CNTNAP4: variants seen among roughly 807,000 people sequenced by gnomAD.
The protein encoded by CNTNAP4 is contactin-associated protein-like 4.
CNTNAP4 carries 98 observed loss-of-function variants against 148.4 expected under a neutral mutation model. The observed-to-expected ratio is 0.66, with a 90% CI of 0.56 to 0.78. The LOEUF (loss-of-function observed/expected upper bound fraction) is 0.78, where lower values mean the gene tolerates loss of function less well. CNTNAP4 is among the 30% of genes least tolerant of loss of function. The probability of loss-of-function intolerance (pLI) is 0.00; values close to 1 mark genes in which losing one functional copy is unlikely to be tolerated. For missense variants in CNTNAP4, 1,935 were observed against 1,565.6 expected (o/e 1.24, Z -3.98); for synonymous variants, 730 against 565.1 (o/e 1.29, Z -4.14).
chr16:76,355,039 A>G (rs1394016856), intron 2 of CNTNAP4, among the ~76,000 whole-genome samples: 1 of 152,172 alleles, frequency 6.6e-6, no homozygotes. Context: ...AGGAATGTTC[A>G]CCTATCATAT....
intron 3 of CNTNAP4, among the ~76,000 whole-genome samples, chr16:76,383,288 A>G (rs749762199): frequency 1.3e-5 from 2 of 152,020 alleles, no homozygotes; most frequent in Admixed American, 6.6e-5. Context: ...GATGGCTCAC[A>G]TTGAAACAGA....
At chr16:76,336,540 G>A (rs928841664) in intron 2 of CNTNAP4, among the ~76,000 whole-genome samples, 1 of 152,160 alleles carries the variant, frequency 6.6e-6, no homozygotes, top group East Asian at 1.9e-4. Context: ...AAAAGATTTA[G>A]GCTTTATTTT....
At chr16:76,527,601 T>G (rs1268988872) in intron 17 of CNTNAP4, among the ~76,000 whole-genome samples, 1 of 152,214 alleles carries the variant, frequency 6.6e-6, no homozygotes, top group Non-Finnish European at 1.5e-5. Flanking sequence ...TTTATTCTTC[T>G]AATAAGAATG....
chr16:76,354,968 G>T (rs182987205), intron 2 of CNTNAP4, among the ~76,000 whole-genome samples: 1 of 152,252 alleles, frequency 6.6e-6, no homozygotes, highest in East Asian at 1.9e-4. Context: ...TGGGCAAAGG[G>T]GTAGCAGAGC....
At chr16:76,297,976 A>G (rs1272246034) in intron 1 of CNTNAP4, among the ~76,000 whole-genome samples, 1 of 152,090 alleles carries the variant, frequency 6.6e-6, no homozygotes, top group African/African-American at 2.4e-5. Context: ...ACCCGTAATC[A>G]GAAACCTGAA....
intron 3 of CNTNAP4, among the ~76,000 whole-genome samples, chr16:76,416,024 C>G (rs2078967932): frequency 6.7e-6 from 1 of 150,310 alleles, no homozygotes; most frequent in African/African-American, 2.4e-5. Flanking sequence ...TTATTTTTCC[C>G]CCTAATGTCT....
intron 1 of CNTNAP4, among the ~76,000 whole-genome samples, chr16:76,288,043 G>T (rs1408888566): frequency 6.6e-6 from 1 of 151,932 alleles, no homozygotes; most frequent in African/African-American, 2.4e-5. Context: ...ATCTCACCTT[G>T]AATTGTAATA....
intron 16 of CNTNAP4, 129 bp downstream of exon 16, chr16:76,521,439 T>A: frequency 1.5e-6 from 1 of 665,334 alleles, no homozygotes; most frequent in Non-Finnish European, 2.4e-6. Context: ...TTTGAAAAAC[T>A]CAATAATATT....
chr16:76,555,608 T>C (rs2085165271), intron 23 of CNTNAP4, among the ~76,000 whole-genome samples: 1 of 152,214 alleles, frequency 6.6e-6, no homozygotes, highest in South Asian at 2.1e-4. Flanking sequence ...TATATAGTCA[T>C]CAAGCCAATG....
chr16:76,541,114 A>C (rs1205667057), intron 21 of CNTNAP4, among the ~76,000 whole-genome samples: 8 of 152,230 alleles, frequency 5.3e-5, no homozygotes, highest in Non-Finnish European at 7.3e-5. Flanking sequence ...AGTATGTATT[A>C]ATTAGGTGCC....
intron 3 of CNTNAP4, among the ~76,000 whole-genome samples, chr16:76,386,428 C>G (rs2016520280): frequency 6.6e-6 from 1 of 151,872 alleles, no homozygotes; most frequent in African/African-American, 2.4e-5. Context: ...GTTAATAAGA[C>G]CAAAATTTAA....
At chr16:76,519,613 A>T (rs2083383453) in intron 15 of CNTNAP4, among the ~76,000 whole-genome samples, 1 of 152,206 alleles carries the variant, frequency 6.6e-6, no homozygotes, top group Non-Finnish European at 1.5e-5. Flanking sequence ...AAGAATGCAA[A>T]TGTGTTGTTA....
chr16:76,452,817 C>A (rs2080564570), intron 8 of CNTNAP4, 48 bp downstream of exon 8: 2 of 1,460,510 alleles, frequency 1.4e-6, no homozygotes, highest in Non-Finnish European at 1.8e-6. Context: ...TGAAAGATTT[C>A]ATTATCTCTG....
intron 2 of CNTNAP4, among the ~76,000 whole-genome samples, chr16:76,329,883 C>T (rs898620133): frequency 2.0e-5 from 3 of 152,112 alleles, no homozygotes; most frequent in Admixed American, 2.0e-4. Flanking sequence ...AGACTGTGTG[C>T]CAGAAAGAGA....
At chr16:76,316,661 A>G (rs369985899) in intron 2 of CNTNAP4, 138 bp downstream of exon 2, 2 of 644,678 alleles carry the variant, frequency 3.1e-6, no homozygotes, top group Admixed American at 2.4e-5. Context: ...AACTCATGAG[A>G]TGTATATGAC....
chr16:76,501,765 A>C (rs767852488), intron 15 of CNTNAP4, among the ~76,000 whole-genome samples: 60 of 152,282 alleles, frequency 3.9e-4, no homozygotes, highest in Admixed American at 1.4e-3. Context: ...GAGGGGAGCT[A>C]CTACATTAGC....
chr16:76,532,314 C>T (rs1350626844), intron 17 of CNTNAP4, among the ~76,000 whole-genome samples: 1 of 152,170 alleles, frequency 6.6e-6, no homozygotes, highest in Non-Finnish European at 1.5e-5. Context: ...CTGCCTCTGC[C>T]TCTAACGAAA....
At chr16:76,460,688 G>A (rs2080912288) in intron 8 of CNTNAP4, among the ~76,000 whole-genome samples, 1 of 138,658 alleles carries the variant, frequency 7.2e-6, no homozygotes, top group African/African-American at 2.7e-5. Context: ...GGGAGGCAGA[G>A]CTTGCAGTGA....
chr16:76,362,356 C>T (rs1439719373), intron 3 of CNTNAP4, among the ~76,000 whole-genome samples: 1 of 151,908 alleles, frequency 6.6e-6, no homozygotes, highest in East Asian at 1.9e-4. Context: ...CAATGCAATC[C>T]CTATCAAAAT....
Sources: gnomAD v4.1 joint callset for allele counts (sites outside exome capture counted in the v4.1 genomes callset) on GRCh38, gnomAD v4.1.1 for gene constraint, MANE v1.5 for transcripts, NCBI Gene and HGNC (gene_info 2026-07-23, HGNC 2026-07-21) for gene names.